Variants in ANXA7 observed in about 807,000 individuals in gnomAD.
ANXA7 encodes the protein annexin VII.
Under a neutral mutation model 64.9 loss-of-function variants are expected in ANXA7, and 55 were observed. The ratio of observed to expected loss-of-function variants is 0.85; its 90% CI spans 0.68 to 1.06. The LOEUF (loss-of-function observed/expected upper bound fraction) is 1.06, where lower values mean the gene tolerates loss of function less well. ANXA7 is among the 50% of genes least tolerant of loss of function. The probability of loss-of-function intolerance (pLI) is 0.00; values close to 1 mark genes in which losing one functional copy is unlikely to be tolerated. For missense variants in ANXA7, 548 were observed against 582.1 expected (o/e 0.94, Z 0.60); for synonymous variants, 200 against 192.4 (o/e 1.04, Z -0.33).
chr10:73,396,188 A>C (rs2055572391), intron 5 of ANXA7: 2 of 932,366 alleles, frequency 2.1e-6, no homozygotes. Flanking sequence ...AGAAATACCA[A>C]TCACCCAGCC....
At position 73,379,942 on chromosome 10, in the gene ANXA7, C is replaced by T. The variant is rs779502014; in HGVS notation, c.1102G>A (p.Asp368Asn). ...TCACGGCTCACACTGCTTAACAAGTCTCGATTAGCCATCTGCAAACAAAAT... is the reference window on the plus strand; with the variant it reads ...TCACGGCTCACACTGCTTAACAAGTTTCGATTAGCCATCTGCAAACAAAAT... ...MEAYSRMANR[D>N]LLSSVSREFS... Residue 368 changes from aspartate to asparagine, a missense_variant, in exon 11 of 13, where the codon GAC becomes AAC. Asp to Asn is a conservative substitution (Grantham distance 23, BLOSUM62 1). Transcript: ENST00000372921. 1 of 1,614,066 alleles carries T rather than the reference C, an allele frequency of 6.2e-7. No homozygotes were observed. Among genetic ancestry groups the T allele is most frequent in the African/African-American group, 1.3e-5 (1 of 75,054 alleles).
chr10:73,391,586 T>A (rs372311483), intron 5 of ANXA7, among the ~76,000 whole-genome samples: 1 of 152,136 alleles, frequency 6.6e-6, no homozygotes, highest in Non-Finnish European at 1.5e-5. Flanking sequence ...TACTCCAGCC[T>A]GACCCGAGCA....
chr10:73,392,944 T>C (rs2055510256), intron 5 of ANXA7, among the ~76,000 whole-genome samples: 1 of 152,212 alleles, frequency 6.6e-6, no homozygotes, highest in Non-Finnish European at 1.5e-5. Flanking sequence ...ATTGTATATT[T>C]AGAAAACCCC....
At chr10:73,383,524 T>C in intron 8 of ANXA7, 53 bp downstream of exon 8, 1 of 1,440,286 alleles carries the variant, frequency 6.9e-7, no homozygotes, top group African/African-American at 1.4e-5. Flanking sequence ...ATTTGTACGG[T>C]TTTACATATG....
chr10:73,411,005 T>C (rs1327509391), intron 1 of ANXA7, among the ~76,000 whole-genome samples: 1 of 152,294 alleles, frequency 6.6e-6, no homozygotes, highest in East Asian at 1.9e-4. Context: ...TGTATATTTA[T>C]AGCAGCACAA....
intron 1 of ANXA7, among the ~76,000 whole-genome samples, chr10:73,403,621 C>T (rs529646820): frequency 6.6e-6 from 1 of 152,204 alleles, no homozygotes; most frequent in Non-Finnish European, 1.5e-5. Context: ...AATGAACAGC[C>T]ATGTACAAGT....
At position 73,400,789 on chromosome 10, in the gene ANXA7, G is replaced by C. The variant is rs2055648839; in HGVS notation, c.54+14C>G. Reference sequence around the variant, plus strand: ...CTGTTTTAAGGATGTGAGGTATTAAGTGGCAATACTTACAGGATATCCAGG... The same window carrying C: ...CTGTTTTAAGGATGTGAGGTATTAACTGGCAATACTTACAGGATATCCAGG... On this transcript the variant is annotated intron_variant, in intron 2 of 12. Transcript: ENST00000372921. 3 of 1,597,856 alleles carry C rather than the reference G, an allele frequency of 1.9e-6. No homozygotes were observed. Among genetic ancestry groups the C allele is most frequent in the Admixed American group, 1.7e-5 (1 of 58,370 alleles).
rs768277706 is a variant in ANXA7, at chr10:73,388,381, T to C, written c.469A>G (p.Ile157Val). The C allele has an allele frequency of 6.2e-7, 1 of 1,614,094 alleles. No homozygotes were observed. The highest frequency in any genetic ancestry group is 1.1e-5 in the South Asian group (1 of 91,074). ...GCATCGAAGTTGGCAGCTGGTCGGA[T>C]AGTTCCTTGAGTGACCTGAGTCACT... ...ATVTQVTQGT[I>V]RPAANFDAIR... is the part of the protein sequence containing the mutation. Residue 157 changes from isoleucine (I) to valine (V), a missense_variant, in exon 6 of 13, where the codon ATC (isoleucine) becomes GTC (valine). By Grantham distance (29) the Ile-to-Val change is conservative. Transcript: ENST00000372921.
chr10:73,382,121 G>A (rs1412313779), intron 9 of ANXA7, among the ~76,000 whole-genome samples: 2 of 151,974 alleles, frequency 1.3e-5, no homozygotes, highest in Admixed American at 6.6e-5. Context: ...TGATCCACCC[G>A]CCTCAGCCTC....
At chr10:73,397,884 G>C (rs941768010) in intron 3 of ANXA7, among the ~76,000 whole-genome samples, 58 of 152,104 alleles carry the variant, frequency 3.8e-4, no homozygotes, top group African/African-American at 1.4e-3. Context: ...CTTGCTAATT[G>C]AAATGTCTTA....
chr10:73,379,038 TG>T lies in ANXA7; in HGVS notation c.1166-16del. On this transcript the variant is annotated splice_polypyrimidine_tract_variant and intron_variant, in intron 11 of 12. Transcript: ENST00000372921. ...GGCACACTGCACTGCAAGTTAGAGA[TG>T]GTTGAGACATGGAATCATGATCTCA... The T allele has an allele frequency of 1.3e-6, 2 of 1,564,440 alleles. No homozygotes were observed. Among genetic ancestry groups the T allele is most frequent in the South Asian group, 2.3e-5 (2 of 87,322 alleles).
intron 12 of ANXA7, among the ~76,000 whole-genome samples, chr10:73,377,767 G>GGTGTGGGT (rs1564519361): frequency 8.8e-6 from 1 of 114,204 alleles, no homozygotes; most frequent in Non-Finnish European, 1.7e-5. Context: ...CCGGGGGGTG[G>GGTGTGGGT]GTGTGGGTGT....
At chr10:73,411,946 T>C (rs958148637) in intron 1 of ANXA7, among the ~76,000 whole-genome samples, 11 of 152,068 alleles carry the variant, frequency 7.2e-5, no homozygotes, top group Admixed American at 4.6e-4. Context: ...TTTTGACTTA[T>C]AGAATATCCC....
intron 3 of ANXA7, 29 bp downstream of exon 3, chr10:73,398,152 C>G: frequency 6.3e-7 from 1 of 1,589,962 alleles, no homozygotes; most frequent in Non-Finnish European, 8.6e-7. Context: ...CAATCCCAAT[C>G]ATTACTAATT....
intron 1 of ANXA7, among the ~76,000 whole-genome samples, chr10:73,407,003 G>A (rs1262854483): frequency 7.2e-5 from 11 of 152,060 alleles, no homozygotes. Context: ...TCAAGCCTGG[G>A]CTTACTCACC....
chr10:73,377,773 G>GGGGGTGTGTGT, intron 12 of ANXA7, among the ~76,000 whole-genome samples: 1 of 124,822 alleles, frequency 8.0e-6, no homozygotes, highest in Non-Finnish European at 1.7e-5. Flanking sequence ...GGTGGGTGTG[G>GGGGGTGTGTGT]GTGTGTGTGT....
intron 1 of ANXA7, among the ~76,000 whole-genome samples, chr10:73,405,445 G>A (rs968016010): frequency 1.0e-4 from 15 of 144,920 alleles, no homozygotes; most frequent in African/African-American, 3.6e-4. Flanking sequence ...AGGAGGCTGA[G>A]GCAGAATTGC....
In ANXA7 at chr10:73,388,333, G is replaced by C. The variant is rs370894790; in HGVS notation, c.517C>G (p.Arg173Gly). 7.0e-5 allele frequency: 113 copies of C among 1,613,726 alleles called. No homozygotes were observed. Among genetic ancestry groups the C allele is most frequent in the Non-Finnish European group, 8.9e-5 (105 of 1,179,710 alleles). ...TTACCAAAACCCTTCATTGCCTTAC[G>C]AAGAATTTCTGCATCTCTTATAGCA... Reference protein sequence around the residue: ...FDAIRDAEILRKAMKGFGTDE... With the variant: ...FDAIRDAEILGKAMKGFGTDE... The change falls in exon 6 of 13, where the codon CGT becomes GGT. Residue 173 changes from arginine (R) to glycine (G), a missense_variant. Transcript: ENST00000372921.
At chr10:73,394,192 A>G (rs2055532735) in intron 5 of ANXA7, among the ~76,000 whole-genome samples, 2 of 152,238 alleles carry the variant, frequency 1.3e-5, no homozygotes, top group Admixed American at 6.5e-5. Context: ...AATGGCGATC[A>G]TTAAAAAGTC....
Sources: allele counts gnomAD v4.1 joint callset (sites outside exome capture counted in the v4.1 genomes callset), GRCh38; gene constraint gnomAD v4.1.1; transcripts MANE v1.5; gene names NCBI Gene and HGNC (gene_info 2026-07-23, HGNC 2026-07-21).